MYC: variants seen among roughly 807,000 people sequenced by gnomAD.
MYC encodes myc proto-oncogene protein.
MYC carries 1 observed loss-of-function variant against 30.5 expected under a neutral mutation model. The ratio of observed to expected loss-of-function variants is 0.03; its 90% confidence interval spans 0.01 to 0.16. The LOEUF (loss-of-function observed/expected upper bound fraction) is 0.16. Ranked by LOEUF, MYC falls within the 10% of genes least tolerant of loss-of-function variation. The pLI is 1.00. For missense variants in MYC, 508 were observed against 589.0 expected, an observed-to-expected ratio of 0.86 and a Z score of 1.42; for synonymous variants, 267 against 250.7, an observed-to-expected ratio of 1.07 and a Z score of -0.62.
At position 127,740,032 on chromosome 8, in the gene MYC, G is replaced by A. The variant is rs190498866; in HGVS notation, c.803-364G>A. 1.6e-4 allele frequency among the ~76,000 whole-genome samples: 24 copies of A among 150,174 alleles called. No homozygotes were observed. In the East Asian group the frequency reaches 1.8e-3, roughly 11 times the overall value. ...TGTCACTAGGCTGGAGTGCAGTGGC[G>A]CAATCAACCTCCAACCCCCTGGTTC... On this transcript the variant is annotated intron_variant, in intron 2 of 2. Transcript: ENST00000621592.
At position 127,738,580 on chromosome 8, in the gene MYC, G is replaced by T. The variant is rs779702122; in HGVS notation, c.363G>T (p.Leu121=). Residue 121 remains leucine (L), a synonymous_variant, in exon 2 of 3, where the codon CTG becomes CTT. Transcript: ENST00000621592. This position sits in a 1 kb window ranked among gnomAD's most constrained non-coding sequence, Gnocchi z 7.6. Reference sequence around the variant, plus strand: ...AGCTGGAGATGGTGACCGAGCTGCTGGGAGGAGACATGGTGAACCAGAGTT... The same window carrying T: ...AGCTGGAGATGGTGACCGAGCTGCTTGGAGGAGACATGGTGAACCAGAGTT... 6.2e-7 allele frequency: 1 copy of T among 1,613,686 alleles called. No homozygotes were observed. The highest frequency in any genetic ancestry group is 8.5e-7 in the Non-Finnish European group (1 of 1,179,798).
rs1461909965 is a variant in MYC at position 127,738,082 on chromosome 8, A to G, written c.31-166A>G. On this transcript the variant is annotated intron_variant, in intron 1 of 2. Coordinates refer to ENST00000621592, the MANE Select transcript of MYC (RefSeq NM_002467.6). The surrounding 1 kb of genome is among the most constrained non-coding windows in gnomAD (Gnocchi z 7.6). ...CAGGGGACTGTCCAAAGGGGGTGAAAGGGTGCTCCCTTTATTCCCCCACCA... is the reference window on the plus strand; with the variant it reads ...CAGGGGACTGTCCAAAGGGGGTGAAGGGGTGCTCCCTTTATTCCCCCACCA... 1.3e-5 allele frequency among the ~76,000 whole-genome samples: 2 copies of G among 151,938 alleles called. No individual in the cohort carries two copies. The highest frequency in any genetic ancestry group is 4.8e-5 in the African/African-American group (2 of 41,366).
Position 127,740,998 on chromosome 8 carries a change from C to T in MYC, c.*40C>T. On this transcript the variant is annotated 3_prime_UTR_variant, in exon 3 of 3. Coordinates refer to ENST00000621592, the MANE Select transcript of MYC (RefSeq NM_002467.6). ...AACGATTCCTTCTAACAGAAATGTC[C>T]TGAGCAATCACCTATGAACTTGTTT... is the stretch of plus-strand genomic sequence containing the variant. 6.6e-7 allele frequency: 1 copy of T among 1,505,824 alleles called. No homozygotes were observed. Among genetic ancestry groups the T allele is most frequent in the South Asian group, 1.4e-5 (1 of 73,870 alleles). The allele number at this position is 1,505,824 out of a possible 1,614,324, so 93.3% of individuals were successfully genotyped here.
Position 127,739,026 on chromosome 8 carries a change from G to C in MYC, c.802+7G>C, listed in dbSNP as rs2130098339. The stretch of plus-strand genomic sequence containing the variant: ...ACCACCAGCAGCGACTCTGGTAAGC[G>C]AAGCCCGCCCAGGCCTGTCAAAAGT... On this transcript the variant is annotated splice_region_variant and intron_variant, in intron 2 of 2. Coordinates refer to ENST00000621592, the MANE Select transcript of MYC (RefSeq NM_002467.6). 6.7e-7 allele frequency: 1 copy of C among 1,497,908 alleles called. No homozygotes were observed. Among genetic ancestry groups the C allele is most frequent in the Non-Finnish European group, 8.8e-7 (1 of 1,131,348 alleles). The allele number at this position is 1,497,908 out of a possible 1,614,324, so 92.8% of individuals were successfully genotyped here. A position where few individuals can be genotyped will look rare whatever the true frequency, so the allele number is the denominator to read the frequency against.
Position 127,738,504 on chromosome 8 carries a change from C to G in MYC, c.287C>G (p.Ser96Cys), listed in dbSNP as rs2130094051. The change falls in exon 2 of 3, where the codon TCC (serine) becomes TGC (cysteine). Residue 96 changes from serine (S) to cysteine (C), a missense_variant. By Grantham distance (112) the Ser-to-Cys change is moderately radical. This residue lies in a region of MYC where 364 missense variants were observed against 381.1 expected (regional missense o/e 0.96). Coordinates refer to ENST00000621592, the MANE Select transcript of MYC (RefSeq NM_002467.6). This position sits in a 1 kb window ranked among gnomAD's most constrained non-coding sequence, Gnocchi z 7.6. ...TCCTACGTTGCGGTCACACCCTTCTCCCTTCGGGGAGACAACGACGGCGGT... is the reference window on the plus strand; with the variant it reads ...TCCTACGTTGCGGTCACACCCTTCTGCCTTCGGGGAGACAACGACGGCGGT... 1 of 1,609,942 alleles carries G rather than the reference C, an allele frequency of 6.2e-7. No individual in the cohort carries two copies. Among genetic ancestry groups the G allele is most frequent in the South Asian group, 1.1e-5 (1 of 90,272 alleles).
In MYC at chr8:127,741,187, T is replaced by G; in HGVS notation, c.*229T>G. The G allele has an allele frequency of 2.5e-6, 1 of 392,336 alleles. No homozygotes were observed. Among genetic ancestry groups the G allele is most frequent in the Non-Finnish European group, 4.5e-6 (1 of 221,106 alleles). The allele number at this position is 392,336 out of a possible 1,614,324, so 24.3% of individuals were successfully genotyped here. Reference sequence around the variant, plus strand: ...AACAGATTTGTATTTAAGAATTGTTTTTAAAAAATTTTAAGATTTACACAA... The same window carrying G: ...AACAGATTTGTATTTAAGAATTGTTGTTAAAAAATTTTAAGATTTACACAA... On this transcript the variant is annotated 3_prime_UTR_variant, in exon 3 of 3. Transcript: ENST00000621592.
intron 1 of MYC, among the ~76,000 whole-genome samples, chr8:127,737,551 T>G (rs1813615866): frequency 6.6e-6 from 1 of 151,862 alleles, no homozygotes. Flanking sequence ...CGAAGGGAGG[T>G]GCCCCTATTA....
In MYC at chr8:127,741,143, C is replaced by T. The variant is rs1028404221; in HGVS notation, c.*185C>T. The T allele has an allele frequency of 9.3e-6, 4 of 431,190 alleles. No individual in the cohort carries two copies. The highest frequency in any genetic ancestry group is 6.1e-5 in the African/African-American group (3 of 49,258). The allele number at this position is 431,190 out of a possible 1,614,324, so 26.7% of individuals were successfully genotyped here. On this transcript the variant is annotated 3_prime_UTR_variant, in exon 3 of 3. Transcript: ENST00000621592. ...GCATAAAAGAACTTTTTTATGCTTA[C>T]CATCTTTTTTTTTTCTTTAACAGAT...
chr8:127,740,030 G>A (rs962320767), intron 2 of MYC, among the ~76,000 whole-genome samples: 26 of 150,924 alleles, frequency 1.7e-4, no homozygotes, highest in Non-Finnish European at 2.9e-4. Context: ...GAGTGCAGTG[G>A]CGCAATCAAC....
Position 127,736,275 on chromosome 8 carries a change from GCGGC to G in MYC, c.-314_-311del. ...AGCGAGAGGCAGAGGGAGCGAGCGG[GCGGC>G]CGGCTAGGGTGGAAGAGCCGGGCGA... On this transcript the variant is annotated 5_prime_UTR_variant, in exon 1 of 3. Transcript: ENST00000621592. The G allele has an allele frequency of 3.7e-6, 2 of 539,776 alleles. No individual in the cohort carries two copies. Among genetic ancestry groups the G allele is most frequent in the Non-Finnish European group, 6.5e-6 (2 of 307,526 alleles). 33.4% of individuals were successfully genotyped at this position (539,776 alleles called of 1,614,324 possible).
upstream of MYC, chr8:127,735,498 T>C (rs1586587195): frequency 5.0e-6 from 2 of 399,426 alleles, no homozygotes. Flanking sequence ...ATTTTAATCA[T>C]TCTAGGCATC....
In MYC at chr8:127,738,181, C is replaced by A. The variant is rs1470945054; in HGVS notation, c.31-67C>A. ...GGACTGTGGCGCGCACTGCGCGCTGCGCCAGGTTTCCGCACCAAGACCCCT... is the reference window on the plus strand; with the variant it reads ...GGACTGTGGCGCGCACTGCGCGCTGAGCCAGGTTTCCGCACCAAGACCCCT... On this transcript the variant is annotated intron_variant, in intron 1 of 2. Transcript: ENST00000621592. This position sits in a 1 kb window ranked among gnomAD's most constrained non-coding sequence, Gnocchi z 7.6. The A allele has an allele frequency of 4.6e-6, 7 of 1,505,450 alleles. No individual in the cohort carries two copies. The East Asian group carries it at 1.1e-4, about 24-fold the overall frequency. 93.3% of individuals were successfully genotyped at this position (1,505,450 alleles called of 1,614,324 possible). A position where few individuals can be genotyped will look rare whatever the true frequency, so the allele number is the denominator to read the frequency against.
Position 127,738,891 on chromosome 8 carries a change from C to G in MYC, c.674C>G (p.Ser225Trp). ...AGCAGCTCGCCCAAGTCCTGCGCCT[C>G]GCAAGACTCCAGCGCCTTCTCTCCG... is the stretch of plus-strand genomic sequence containing the variant. The change falls in exon 2 of 3, where the codon TCG (serine) becomes TGG (tryptophan). Residue 225 changes from serine (S) to tryptophan (W), a missense_variant. This residue lies in a region of MYC where 364 missense variants were observed against 381.1 expected (regional missense o/e 0.96). Transcript: ENST00000621592. This position sits in a 1 kb window ranked among gnomAD's most constrained non-coding sequence, Gnocchi z 7.6. 2 of 1,611,986 alleles carry G rather than the reference C, an allele frequency of 1.2e-6. No homozygotes were observed. The highest frequency in any genetic ancestry group is 1.7e-6 in the Non-Finnish European group (2 of 1,180,004).
chr8:127,738,940 G>C lies in MYC; in HGVS notation c.723G>C (p.Ser241=), dbSNP rs373711147. ...CGTCCTCGGATTCTCTGCTCTCCTC[G>C]ACGGAGTCCTCCCCGCAGGGCAGCC... Residue 241 remains serine, a synonymous_variant, in exon 2 of 3, where the codon TCG becomes TCC. Coordinates refer to ENST00000621592, the MANE Select transcript of MYC (RefSeq NM_002467.6). This position sits in a 1 kb window ranked among gnomAD's most constrained non-coding sequence, Gnocchi z 7.6. The C allele has an allele frequency of 1.6e-5, 25 of 1,601,234 alleles. No homozygotes were observed. Among genetic ancestry groups the C allele is most frequent in the Middle Eastern group, 3.3e-4 (2 of 6,066 alleles).
At position 127,738,790 on chromosome 8, in the gene MYC, G is replaced by C; in HGVS notation, c.573G>C (p.Leu191Phe). Residue 191 changes from leucine (L) to phenylalanine (F), a missense_variant, in exon 2 of 3, where the codon TTG becomes TTC. Leu to Phe is a conservative substitution (Grantham distance 22). This residue lies in a region of MYC where 364 missense variants were observed against 381.1 expected (regional missense o/e 0.96). Coordinates refer to ENST00000621592, the MANE Select transcript of MYC (RefSeq NM_002467.6). This position sits in a 1 kb window ranked among gnomAD's most constrained non-coding sequence, Gnocchi z 7.6. ...ACAGCGTCTGCTCCACCTCCAGCTT[G>C]TACCTGCAGGATCTGAGCGCCGCCG... 1 of 1,609,796 alleles carries C rather than the reference G, an allele frequency of 6.2e-7. No homozygotes were observed. The highest frequency in any genetic ancestry group is 8.5e-7 in the Non-Finnish European group (1 of 1,177,610).
chr8:127,738,882 C>T lies in MYC; in HGVS notation c.665C>T (p.Ser222Phe). The T allele has an allele frequency of 6.2e-7, 1 of 1,612,350 alleles. No individual in the cohort carries two copies. The highest frequency in any genetic ancestry group is 8.5e-7 in the Non-Finnish European group (1 of 1,180,016). ...CTCAACGACAGCAGCTCGCCCAAGT[C>T]CTGCGCCTCGCAAGACTCCAGCGCC... Residue 222 changes from serine to phenylalanine, a missense_variant, in exon 2 of 3, where the codon TCC becomes TTC. Physicochemically the swap from Ser to Phe is radical, Grantham distance 155. Transcript: ENST00000621592. The surrounding 1 kb of genome is among the most constrained non-coding windows in gnomAD (Gnocchi z 7.6).
rs561304088 is a variant in MYC at position 127,739,030 on chromosome 8, C to T, written c.802+11C>T. On this transcript the variant is annotated intron_variant, in intron 2 of 2. Transcript: ENST00000621592. ...CCAGCAGCGACTCTGGTAAGCGAAG[C>T]CCGCCCAGGCCTGTCAAAAGTGGGC... The T allele has an allele frequency of 6.7e-7, 1 of 1,482,932 alleles. No individual in the cohort carries two copies. 91.9% of individuals were successfully genotyped at this position (1,482,932 alleles called of 1,614,324 possible).
Position 127,736,436 on chromosome 8 carries a change from C to T in MYC, c.-158C>T. The T allele has an allele frequency of 5.4e-6, 4 of 745,192 alleles. No individual in the cohort carries two copies. Among genetic ancestry groups the T allele is most frequent in the African/African-American group, 1.8e-5 (1 of 56,936 alleles). The allele number at this position is 745,192 out of a possible 1,614,324, so 46.2% of individuals were successfully genotyped here. On this transcript the variant is annotated 5_prime_UTR_variant, in exon 1 of 3. Coordinates refer to ENST00000621592, the MANE Select transcript of MYC (RefSeq NM_002467.6). The stretch of plus-strand genomic sequence containing the variant: ...CTTGCCGCATCCACGAAACTTTGCC[C>T]ATAGCAGCGGGCGGGCACTTTGCAC...
At chr8:127,737,929 G>T (rs746414768) in intron 1 of MYC, among the ~76,000 whole-genome samples, 24 of 152,132 alleles carry the variant, frequency 1.6e-4, no homozygotes, top group Admixed American at 7.9e-4. Context: ...TCTTAAGGGC[G>T]CCAGGGCCGA....
Sources: gnomAD v4.1 joint callset for allele counts (sites outside exome capture counted in the v4.1 genomes callset) on GRCh38, gnomAD v4.1.1 for gene constraint, gnomAD v4.1.1 regional missense constraint, Gnocchi (gnomAD v3.1) non-coding constraint, MANE v1.5 for transcripts, NCBI Gene and HGNC (gene_info 2026-07-23, HGNC 2026-07-21) for gene names.